Variants in DPM1 observed in about 807,000 individuals in gnomAD.
The protein encoded by DPM1 is dolichol-phosphate mannosyltransferase subunit 1.
DPM1 carries 27 observed loss-of-function variants against 39.0 expected under a neutral mutation model. The ratio of observed to expected loss-of-function variants is 0.69; its 90% CI spans 0.51 to 0.95. The LOEUF is 0.95. DPM1 is among the 40% of genes least tolerant of loss of function. The pLI is 0.00. For missense variants in DPM1, 307 were observed against 315.6 expected (o/e 0.97, Z 0.21); for synonymous variants, 124 against 109.0 (o/e 1.14, Z -0.86).
chr20:50,940,750 T>C (rs1199268320), intron 7 of DPM1, 115 bp downstream of exon 7: 3 of 900,978 alleles, frequency 3.3e-6, no homozygotes, highest in Admixed American at 2.0e-5. Flanking sequence ...TAGTCTGCCT[T>C]TTTAGTATCC....
At chr20:50,946,017 CACAT>C in intron 3 of DPM1, 94 bp from the exon 4 acceptor site, 2 of 1,036,062 alleles carry the variant, frequency 1.9e-6, no homozygotes, top group Non-Finnish European at 3.0e-6. Context: ...CTGAAGAGCA[CACAT>C]TAGTTCTCTA....
At chr20:50,950,004 G>C (rs1250717761) in intron 2 of DPM1, among the ~76,000 whole-genome samples, 1 of 152,088 alleles carries the variant, frequency 6.6e-6, no homozygotes, top group Non-Finnish European at 1.5e-5. Flanking sequence ...CTGCCATTTT[G>C]TTAATTGCTT....
chr20:50,938,723 T>C (rs2123073966), intron 7 of DPM1, among the ~76,000 whole-genome samples: 1 of 147,224 alleles, frequency 6.8e-6, no homozygotes, highest in South Asian at 2.4e-4. Flanking sequence ...CTCATGCCTG[T>C]AATCCCAGCA....
intron 2 of DPM1, among the ~76,000 whole-genome samples, chr20:50,950,791 AC>A (rs1986533165): frequency 6.6e-6 from 1 of 151,976 alleles, no homozygotes; most frequent in African/African-American, 2.4e-5. Context: ...AATCGCTTGA[AC>A]CCGGGAAGTA....
rs765519379 is a variant in DPM1, at chr20:50,942,065, C to T, written c.460G>A (p.Val154Ile). 17 of 1,614,158 alleles carry T rather than the reference C, an allele frequency of 1.1e-5. No homozygotes were observed. Among genetic ancestry groups the T allele is most frequent in the Non-Finnish European group, 1.4e-5 (17 of 1,180,000 alleles). The stretch of plus-strand genomic sequence containing the variant: ...TTTCTTTTCAAATCCCAGCCATATA[C>T]ACCTCCATTTCCTTTGTAGCGAGTT... The part of the protein sequence containing the change: ...SGTRYKGNGG[V>I]YGWDLKRKII... The change falls in exon 6 of 9, where the codon GTA becomes ATA. Residue 154 changes from valine to isoleucine, a missense_variant. Physicochemically the swap from Val to Ile is conservative, Grantham distance 29. Transcript: ENST00000371588.
intron 2 of DPM1, 62 bp from the exon 3 acceptor site, chr20:50,948,724 A>T (rs1206481674): frequency 1.3e-6 from 2 of 1,487,190 alleles, no homozygotes; most frequent in African/African-American, 2.8e-5. Flanking sequence ...GTTAAATTTT[A>T]TCTTATTCAA....
rs980731824 is a variant in DPM1, at chr20:50,944,645, C to T, written c.398+1092G>A. Reference sequence around the variant, plus strand: ...TTCCCTAGATGTTAGTGGGAACTCCCTGAACTCCCTGAACTGGAGGGACAA... The same window carrying T: ...TTCCCTAGATGTTAGTGGGAACTCCTTGAACTCCCTGAACTGGAGGGACAA... On this transcript the variant is annotated intron_variant, in intron 5 of 8. Transcript: ENST00000371588. 3 of 152,230 alleles carry T rather than the reference C, an allele frequency of 2.0e-5. No individual in the cohort carries two copies. In the South Asian group the frequency reaches 6.2e-4, roughly 32 times the overall value. 9.4% of individuals were successfully genotyped at this position (152,230 alleles called of 1,614,324 possible).
intron 2 of DPM1, among the ~76,000 whole-genome samples, chr20:50,953,590 G>C (rs919627558): frequency 1.3e-5 from 2 of 152,112 alleles, no homozygotes; most frequent in Non-Finnish European, 2.9e-5. Context: ...TGGTAGTAGA[G>C]GGAAATCGTA....
intron 2 of DPM1, among the ~76,000 whole-genome samples, chr20:50,949,763 ATTTT>A (rs58806831): frequency 6.9e-6 from 1 of 145,574 alleles, no homozygotes; most frequent in African/African-American, 2.5e-5. Context: ...AAAGCAGATG[ATTTT>A]TTTTTTTTTT....
Position 50,940,086 on chromosome 20 carries a change from TTGTGTGTGTG to T in DPM1, c.563+769_563+778del, listed in dbSNP as rs11469059. Reference sequence around the variant, plus strand: ...TGACTGTCAACAGCCAGGTCCTAATTTGTGTGTGTGTGTGTGTGTGTGTGTGTGTGTGTGT... The same window carrying T: ...TGACTGTCAACAGCCAGGTCCTAATTTGTGTGTGTGTGTGTGTGTGTGTGT... On this transcript the variant is annotated intron_variant, in intron 7 of 8. Coordinates refer to ENST00000371588, the MANE Select transcript of DPM1 (RefSeq NM_003859.3). Among the ~76,000 whole-genome samples, 455 of 146,626 alleles carry T rather than the reference TTGTGTGTGTG, an allele frequency of 3.1e-3. 1 individual carries two copies. The highest frequency in any genetic ancestry group is 7.1e-3 in the African/African-American group (282 of 39,668).
At chr20:50,952,875 C>T (rs1986650801) in intron 2 of DPM1, among the ~76,000 whole-genome samples, 1 of 152,172 alleles carries the variant, frequency 6.6e-6, no homozygotes. Flanking sequence ...ATCTACCACA[C>T]AGCACGGTGA....
chr20:50,953,750 T>G (rs1157811815), intron 2 of DPM1, among the ~76,000 whole-genome samples: 4 of 152,198 alleles, frequency 2.6e-5, no homozygotes, highest in African/African-American at 9.6e-5. Flanking sequence ...TGAGGTTTTA[T>G]GACAAAAGTA....
intron 6 of DPM1, 115 bp downstream of exon 6, chr20:50,941,916 G>T: frequency 1.1e-6 from 1 of 878,640 alleles, no homozygotes; most frequent in Non-Finnish European, 1.9e-6. Flanking sequence ...GTATTTACTG[G>T]AAGTTATAAC....
chr20:50,946,689 C>T (rs1425846903), intron 3 of DPM1, among the ~76,000 whole-genome samples: 2 of 152,200 alleles, frequency 1.3e-5, no homozygotes. Context: ...TTGTTAGGAG[C>T]AGGACTTGGG....
intron 1 of DPM1, among the ~76,000 whole-genome samples, chr20:50,957,459 G>A (rs2123150855): frequency 6.6e-6 from 1 of 152,300 alleles, no homozygotes; most frequent in East Asian, 1.9e-4. Context: ...ATGCAATAAA[G>A]GAGCACCGCT....
At chr20:50,955,110 T>C (rs1269794543) in intron 2 of DPM1, 76 bp downstream of exon 2, 2 of 1,107,872 alleles carry the variant, frequency 1.8e-6, no homozygotes, top group African/African-American at 3.1e-5. Context: ...TAGATTGAAT[T>C]TAAGCATTGT....
Position 50,950,217 on chromosome 20 carries a change from T to C in DPM1, c.262-1555A>G, listed in dbSNP as rs556776003. On this transcript the variant is annotated intron_variant, in intron 2 of 8. Transcript: ENST00000371588. ...AAGCTGATAACAATCTAACTCTAACTGCTAAAAAGAAATCCTCTACACTTT... is the reference window on the plus strand; with the variant it reads ...AAGCTGATAACAATCTAACTCTAACCGCTAAAAAGAAATCCTCTACACTTT... Among the ~76,000 whole-genome samples the C allele has an allele frequency of 4.6e-5, 7 of 152,312 alleles. 1 individual carries two copies. The highest frequency in any genetic ancestry group is 2.1e-4 in the South Asian group (1 of 4,828).
intron 2 of DPM1, among the ~76,000 whole-genome samples, chr20:50,951,324 A>C (rs1986565715): frequency 6.6e-6 from 1 of 152,224 alleles, no homozygotes; most frequent in Admixed American, 6.5e-5. Context: ...AAGATCGCCA[A>C]GACAGAATTA....
intron 1 of DPM1, among the ~76,000 whole-genome samples, chr20:50,956,057 G>A (rs749094046): frequency 5.3e-5 from 8 of 151,932 alleles, no homozygotes; most frequent in Non-Finnish European, 8.8e-5. Flanking sequence ...TAAAAAAACC[G>A]ATTTTAGAAT....
Sources: allele counts gnomAD v4.1 joint callset (sites outside exome capture counted in the v4.1 genomes callset), GRCh38; gene constraint gnomAD v4.1.1; transcripts MANE v1.5; gene names NCBI Gene and HGNC (gene_info 2026-07-23, HGNC 2026-07-21).